TENM3: variants seen among roughly 807,000 people sequenced by gnomAD.
TENM3 encodes teneurin-3.
A neutral mutation model predicts 255.1 loss-of-function variants in TENM3; 63 were observed. The observed-to-expected ratio is 0.25, with a 90% CI of 0.20 to 0.30. The LOEUF (loss-of-function observed/expected upper bound fraction) is 0.30, where lower values mean the gene tolerates loss of function less well. TENM3 is among the 10% of genes least tolerant of loss of function. The pLI is 1.00. For synonymous variants in TENM3, 1,306 were observed against 1,322.3 expected (o/e 0.99, Z 0.27); for missense variants, 2,929 against 3,461.1 (o/e 0.85, Z 3.86).
At chr4:182,625,710 G>A (rs1423113373) in intron 4 of TENM3, among the ~76,000 whole-genome samples, 1 of 152,134 alleles carries the variant, frequency 6.6e-6, no homozygotes, top group South Asian at 2.1e-4. Flanking sequence ...GATAATAATA[G>A]GATGTCTGTC....
At chr4:181,558,298 G>C in the TENM3 span, among the ~76,000 whole-genome samples, 2 of 152,272 alleles carry the variant, frequency 1.3e-5, no homozygotes, top group East Asian at 1.9e-4. Context: ...AACTTACAGA[G>C]TATGATGTCC....
chr4:182,277,442 C>T (rs566735145), intron 1 of TENM3, among the ~76,000 whole-genome samples: 3 of 151,952 alleles, frequency 2.0e-5, no homozygotes, highest in Admixed American at 6.6e-5. Context: ...TAATATGAAA[C>T]TGTTAAAAAG....
chr4:181,710,699 C>A, the TENM3 span, among the ~76,000 whole-genome samples: 1 of 151,910 alleles, frequency 6.6e-6, no homozygotes, highest in Non-Finnish European at 1.5e-5. Context: ...CTCAGCCTGG[C>A]AACAGAGTGA....
Position 182,367,278 on chromosome 4 carries a change from C to A in TENM3, c.511+20349C>A, listed in dbSNP as rs150914817. Among the ~76,000 whole-genome samples, 522 of 152,172 alleles carry A rather than the reference C, an allele frequency of 3.4e-3. 4 individuals carry two copies. Among genetic ancestry groups the A allele is most frequent in the African/African-American group, 0.012 (491 of 41,504 alleles). On this transcript the variant is annotated intron_variant, in intron 3 of 27. Transcript: ENST00000511685. ...GTGGTAGCATTGTAAGGAGGCCACC[C>A]GATCTGGAGAGATCCTCTTGGGAAA...
At chr4:182,405,417 A>C (rs1769498055) in intron 3 of TENM3, among the ~76,000 whole-genome samples, 2 of 152,170 alleles carry the variant, frequency 1.3e-5, no homozygotes, top group South Asian at 4.1e-4. Context: ...TTGAGCGGGA[A>C]TAGATTGGAT....
chr4:181,868,582 C>T, the TENM3 span, among the ~76,000 whole-genome samples: 1 of 152,142 alleles, frequency 6.6e-6, no homozygotes, highest in Non-Finnish European at 1.5e-5. Flanking sequence ...TAATAAATTA[C>T]AACTTGCCCA....
the TENM3 span, among the ~76,000 whole-genome samples, chr4:181,843,866 C>T: frequency 3.3e-5 from 5 of 151,954 alleles, no homozygotes; most frequent in African/African-American, 9.7e-5. Context: ...ATTACAGGTG[C>T]CTGCCACCAT....
At chr4:182,434,136 G>A (rs980436459) in intron 3 of TENM3, among the ~76,000 whole-genome samples, 5 of 151,584 alleles carry the variant, frequency 3.3e-5, no homozygotes, top group Non-Finnish European at 7.4e-5. Context: ...AAAAGGTAGA[G>A]TAGTTTCAGA....
At chr4:181,970,816 G>A in the TENM3 span, among the ~76,000 whole-genome samples, 1 of 151,968 alleles carries the variant, frequency 6.6e-6, no homozygotes, top group Non-Finnish European at 1.5e-5. Context: ...ATGTATCTGG[G>A]GAATTCAAAA....
At chr4:182,308,665 T>A (rs1435149250) in intron 1 of TENM3, among the ~76,000 whole-genome samples, 1 of 152,140 alleles carries the variant, frequency 6.6e-6, no homozygotes, top group African/African-American at 2.4e-5. Flanking sequence ...CTTTATGATA[T>A]AAATCATCTA....
intron 19 of TENM3, among the ~76,000 whole-genome samples, chr4:182,749,110 A>C (rs1762206994): frequency 6.7e-6 from 1 of 149,008 alleles, no homozygotes; most frequent in African/African-American, 2.6e-5. Flanking sequence ...ACCACCACTG[A>C]AGCTGCCACC....
intron 5 of TENM3, among the ~76,000 whole-genome samples, chr4:182,639,964 C>T (rs1374402136): frequency 6.6e-6 from 1 of 152,152 alleles, no homozygotes; most frequent in Non-Finnish European, 1.5e-5. Context: ...GTGGCGCGCA[C>T]CTGTAGTCCC....
intron 1 of TENM3, among the ~76,000 whole-genome samples, chr4:182,172,128 T>C (rs1489544795): frequency 6.6e-6 from 1 of 152,036 alleles, no homozygotes; most frequent in Non-Finnish European, 1.5e-5. Flanking sequence ...CTGTGAAATG[T>C]CTGTCGTGTT....
At chr4:181,962,232 TG>T in the TENM3 span, among the ~76,000 whole-genome samples, 4 of 152,382 alleles carry the variant, frequency 2.6e-5, no homozygotes, top group African/African-American at 9.6e-5. Context: ...CTGATTTTAA[TG>T]CATCCAAATC....
In TENM3 at chr4:182,296,310, A is replaced by G. The variant is rs530835620; in HGVS notation, c.-75-27636A>G. Among the ~76,000 whole-genome samples the G allele has an allele frequency of 1.2e-4, 18 of 152,360 alleles. No individual in the cohort carries two copies. In the East Asian group the frequency reaches 3.5e-3, roughly 29 times the overall value. The stretch of plus-strand genomic sequence containing the variant: ...TTTACTCCAATATACTTGTTTCACT[A>G]TTAAAGACATGAAAACTCTTTTAGG... On this transcript the variant is annotated intron_variant, in intron 1 of 27. Transcript: ENST00000511685.
At chr4:181,511,074 G>A in the TENM3 span, among the ~76,000 whole-genome samples, 1 of 152,186 alleles carries the variant, frequency 6.6e-6, no homozygotes, top group Admixed American at 6.5e-5. Context: ...AAGAATATGA[G>A]TGGTCGCTGG....
intron 1 of TENM3, among the ~76,000 whole-genome samples, chr4:182,200,483 A>C (rs1412044145): frequency 6.6e-6 from 1 of 152,226 alleles, no homozygotes; most frequent in Non-Finnish European, 1.5e-5. Context: ...TTTAAAGTAC[A>C]TCCAATTCAA....
chr4:182,344,860 T>C (rs1764701369), intron 2 of TENM3, among the ~76,000 whole-genome samples: 1 of 152,204 alleles, frequency 6.6e-6, no homozygotes, highest in African/African-American at 2.4e-5. Flanking sequence ...TTCCATTAAC[T>C]GTTCATGTGG....
chr4:182,624,101 C>G (rs905414167), intron 4 of TENM3, among the ~76,000 whole-genome samples: 2 of 152,166 alleles, frequency 1.3e-5, no homozygotes, highest in Non-Finnish European at 2.9e-5. Flanking sequence ...CCAGGAATCA[C>G]GCGGGGAGGC....
Sources: allele counts gnomAD v4.1 joint callset (sites outside exome capture counted in the v4.1 genomes callset), GRCh38; gene constraint gnomAD v4.1.1; transcripts MANE v1.5; gene names NCBI Gene and HGNC (gene_info 2026-07-23, HGNC 2026-07-21).